ELAPOR2: variants seen among roughly 807,000 people sequenced by gnomAD.
ELAPOR2 encodes the protein endosome-lysosome associated apoptosis and autophagy regulator family member 2.
ELAPOR2 carries 89 observed loss-of-function variants against 120.7 expected under a neutral mutation model. The observed-to-expected ratio is 0.74, with a 90% CI of 0.62 to 0.88. The LOEUF (loss-of-function observed/expected upper bound fraction) is 0.88. Ranked by LOEUF, ELAPOR2 falls within the 40% of genes least tolerant of loss-of-function variation. ELAPOR2 has a pLI of 0.00. For synonymous variants in ELAPOR2, 444 were observed against 444.9 expected, an observed-to-expected ratio of 1.00 and a Z score of 0.03; for missense variants, 1,134 against 1,251.6, an observed-to-expected ratio of 0.91 and a Z score of 1.42.
chr7:87,010,421 GGGGAAGAC>G (rs1793618391), intron 1 of ELAPOR2, among the ~76,000 whole-genome samples: 1 of 152,164 alleles, frequency 6.6e-6, no homozygotes, highest in South Asian at 2.1e-4. Flanking sequence ...AGGCTACATA[GGGGAAGAC>G]TAAGCATCCT....
At chr7:86,976,479 G>A (rs1792287589) in intron 1 of ELAPOR2, among the ~76,000 whole-genome samples, 1 of 152,292 alleles carries the variant, frequency 6.6e-6, no homozygotes, top group Admixed American at 6.5e-5. Flanking sequence ...GGCATGGAGA[G>A]CTGAACTACA....
intron 15 of ELAPOR2, 102 bp downstream of exon 15, chr7:86,911,970 G>T: frequency 1.7e-6 from 2 of 1,180,544 alleles, no homozygotes; most frequent in Non-Finnish European, 1.2e-6. Flanking sequence ...TCTGACACTT[G>T]GTTGATATCC....
chr7:86,908,585 A>G, intron 16 of ELAPOR2, 42 bp from the exon 17 acceptor site: 1 of 889,948 alleles, frequency 1.1e-6, no homozygotes, highest in Non-Finnish European at 1.7e-6. Flanking sequence ...AATATGGAAA[A>G]TTAGTTTTAT....
At chr7:86,967,015 G>T (rs1343347681) in intron 1 of ELAPOR2, among the ~76,000 whole-genome samples, 6 of 152,138 alleles carry the variant, frequency 3.9e-5, no homozygotes, top group Non-Finnish European at 8.8e-5. Flanking sequence ...ACAGGTTCTG[G>T]GGATTAGGAC....
chr7:86,942,216 C>T, intron 4 of ELAPOR2, 112 bp from the exon 5 acceptor site: 1 of 567,066 alleles, frequency 1.8e-6, no homozygotes, highest in Non-Finnish European at 3.2e-6. Flanking sequence ...TAAACAATGG[C>T]CATGAGTAAT....
Position 86,892,949 on chromosome 7 carries a change from G to A in ELAPOR2, c.2837C>T (p.Thr946Ile), listed in dbSNP as rs1179156732. The change falls in exon 20 of 22, where the codon ACC (threonine) becomes ATC (isoleucine). Residue 946 changes from threonine to isoleucine, a missense_variant. Coordinates refer to ENST00000450689, the MANE Select transcript of ELAPOR2 (RefSeq NM_001142749.3). ...AFTAVLLVAL[T>I]CYFWKKNQKL... ...TTGATTCTTTTTCCAGAAGTAGCAGGTCAGAGCCACCAGCAAAACGGCAGT... is the reference window on the plus strand; with the variant it reads ...TTGATTCTTTTTCCAGAAGTAGCAGATCAGAGCCACCAGCAAAACGGCAGT... The A allele has an allele frequency of 6.4e-7, 1 of 1,569,884 alleles. No individual in the cohort carries two copies. The highest frequency in any genetic ancestry group is 1.2e-5 in the South Asian group (1 of 82,876).
intron 18 of ELAPOR2, among the ~76,000 whole-genome samples, chr7:86,906,057 T>G (rs1788997345): frequency 6.6e-6 from 1 of 152,084 alleles, no homozygotes; most frequent in Non-Finnish European, 1.5e-5. Context: ...TCTACTTGAG[T>G]TAGAGGCCTG....
chr7:86,972,725 C>T (rs953702645), intron 1 of ELAPOR2, among the ~76,000 whole-genome samples: 3 of 151,536 alleles, frequency 2.0e-5, no homozygotes, highest in African/African-American at 7.3e-5. Flanking sequence ...CTGTCCTTTC[C>T]GCTTGAACCA....
At position 86,998,522 on chromosome 7, in the gene ELAPOR2, G is replaced by A. The variant is rs910069786; in HGVS notation, c.190-33498C>T. Among the ~76,000 whole-genome samples the A allele has an allele frequency of 3.3e-5, 5 of 152,104 alleles. No homozygotes were observed. In the East Asian group the frequency reaches 9.6e-4, roughly 29 times the overall value. Reference sequence around the variant, plus strand: ...TGAGTTTCTCAACAGTGAAATTCTTGCATTTTGGGGCAGAGAGTTTGTTGT... The same window carrying A: ...TGAGTTTCTCAACAGTGAAATTCTTACATTTTGGGGCAGAGAGTTTGTTGT... On this transcript the variant is annotated intron_variant, in intron 1 of 21. Coordinates refer to ENST00000450689, the MANE Select transcript of ELAPOR2 (RefSeq NM_001142749.3).
intron 2 of ELAPOR2, among the ~76,000 whole-genome samples, chr7:86,958,467 C>G (rs1791565473): frequency 6.6e-6 from 1 of 152,014 alleles, no homozygotes; most frequent in African/African-American, 2.4e-5. Context: ...CATTTATCAC[C>G]TTATTTAACC....
intron 1 of ELAPOR2, among the ~76,000 whole-genome samples, chr7:87,010,771 G>T (rs1254751239): frequency 6.6e-6 from 1 of 151,988 alleles, no homozygotes; most frequent in East Asian, 1.9e-4. Flanking sequence ...ACATGTTCAG[G>T]ACAGATGCCA....
chr7:87,026,951 C>A (rs1214633854), intron 1 of ELAPOR2, among the ~76,000 whole-genome samples: 1 of 152,032 alleles, frequency 6.6e-6, no homozygotes, highest in Non-Finnish European at 1.5e-5. Context: ...TTGGATCGTA[C>A]ACCTAGATAT....
chr7:86,934,817 A>T (rs1042327961), intron 8 of ELAPOR2, among the ~76,000 whole-genome samples: 1 of 151,932 alleles, frequency 6.6e-6, no homozygotes, highest in African/African-American at 2.4e-5. Flanking sequence ...CTTGGTCAAA[A>T]CTGTACTCAT....
chr7:86,945,107 AAACT>A (rs1428720735), intron 3 of ELAPOR2, 61 bp from the exon 4 acceptor site: 1 of 1,438,732 alleles, frequency 7.0e-7, no homozygotes. Flanking sequence ...TCTATTCACA[AAACT>A]ATGTAACTCA....
rs550115331 is a variant in ELAPOR2, at chr7:86,888,404, C to T, written c.3030+3320G>A. ...CTGAGAAGTATGGGGAAATAAGGGA[C>T]ATTAAGAATCATATGATTTTTTAGG... is the stretch of plus-strand genomic sequence containing the variant. On this transcript the variant is annotated intron_variant, in intron 21 of 21. Transcript: ENST00000450689. Among the ~76,000 whole-genome samples the T allele has an allele frequency of 5.3e-5, 8 of 152,118 alleles. 1 individual carries two copies. In the South Asian group the frequency reaches 1.7e-3, roughly 32 times the overall value.
chr7:87,049,563 C>T (rs1366922522), intron 1 of ELAPOR2, among the ~76,000 whole-genome samples: 1 of 151,938 alleles, frequency 6.6e-6, no homozygotes, highest in Non-Finnish European at 1.5e-5. Context: ...ATTACAGGCG[C>T]CTGGCCGGGA....
chr7:86,957,083 C>T (rs905135344), intron 2 of ELAPOR2, among the ~76,000 whole-genome samples: 6 of 152,160 alleles, frequency 3.9e-5, no homozygotes, highest in African/African-American at 7.2e-5. Context: ...TCAAACAATA[C>T]GATTGACCTA....
intron 15 of ELAPOR2, chr7:86,911,864 T>C (rs1196350693): frequency 1.7e-6 from 1 of 597,706 alleles, no homozygotes; most frequent in Non-Finnish European, 3.0e-6. Flanking sequence ...GCATAAGTGA[T>C]TTGATACACT....
chr7:87,035,978 T>A (rs960088683), intron 1 of ELAPOR2, among the ~76,000 whole-genome samples: 19 of 152,234 alleles, frequency 1.2e-4, no homozygotes, highest in African/African-American at 4.6e-4. Context: ...AAGTATTATT[T>A]AAAATGGTAA....
Sources: gnomAD v4.1 joint callset for allele counts (sites outside exome capture counted in the v4.1 genomes callset) on GRCh38, gnomAD v4.1.1 for gene constraint, MANE v1.5 for transcripts, NCBI Gene and HGNC (gene_info 2026-07-23, HGNC 2026-07-21) for gene names.